The following GBF1 variants were observed in gnomAD, a reference collection of about 807,000 sequenced individuals.
The protein encoded by GBF1 is golgi brefeldin A resistant guanine nucleotide exchange factor 1, also known as Golgi-specific brefeldin A-resistance guanine nucleotide exchange factor 1.
Under a neutral mutation model 210.5 loss-of-function variants are expected in GBF1, and 114 were observed. The ratio of observed to expected loss-of-function variants is 0.54; its 90% CI spans 0.47 to 0.63. GBF1 has a LOEUF of 0.63. Ranked by LOEUF, GBF1 falls within the 30% of genes least tolerant of loss-of-function variation. The probability of loss-of-function intolerance (pLI) is 0.00; values close to 1 mark genes in which losing one functional copy is unlikely to be tolerated. For missense variants in GBF1, 1,851 were observed against 2,357.7 expected (o/e 0.79, Z 4.45); for synonymous variants, 850 against 889.2 (o/e 0.96, Z 0.78).
chr10:102,255,232 C>T (rs1406088646), intron 1 of GBF1, among the ~76,000 whole-genome samples: 1 of 151,878 alleles, frequency 6.6e-6, no homozygotes, highest in Non-Finnish European at 1.5e-5. Context: ...GTTGAGGTGG[C>T]GTTTCACCAT....
At position 102,382,327 on chromosome 10, in the gene GBF1, G is replaced by A. The variant is rs2060908700; in HGVS notation, c.5574G>A (p.Glu1858=). 6.2e-7 allele frequency: 1 copy of A among 1,608,206 alleles called. No individual in the cohort carries two copies. Among genetic ancestry groups the A allele is most frequent in the South Asian group, 1.1e-5 (1 of 90,276 alleles). ...PRPTDPIPTS[E]VN ...CCACAGATCCCATACCCACCTCTGA[G>A]GTCAACTAAGGCAGGTCACTCAGAG... The change falls in exon 40 of 40, where the codon GAG becomes GAA. Residue 1858 remains glutamate (E), a synonymous_variant. Transcript: ENST00000369983.
intron 3 of GBF1, among the ~76,000 whole-genome samples, chr10:102,337,961 T>C (rs185671452): frequency 3.2e-3 from 491 of 152,240 alleles, no homozygotes; most frequent in Non-Finnish European, 5.3e-3. Flanking sequence ...TGTTAGAGCT[T>C]CTCTTATGCT....
At chr10:102,343,966 G>C in intron 3 of GBF1, 85 bp from the exon 4 acceptor site, 1 of 1,074,670 alleles carries the variant, frequency 9.3e-7, no homozygotes, top group Non-Finnish European at 1.4e-6. Flanking sequence ...AAGACCTCTA[G>C]CCTCATGGCA....
chr10:102,284,042 A>C (rs1426546896), intron 3 of GBF1, among the ~76,000 whole-genome samples: 1 of 152,128 alleles, frequency 6.6e-6, no homozygotes, highest in Admixed American at 6.5e-5. Flanking sequence ...GCAACTAGGT[A>C]AGTTTCACTT....
In GBF1 at chr10:102,382,048, C is replaced by G; in HGVS notation, c.5303-8C>G. On this transcript the variant is annotated splice_polypyrimidine_tract_variant and splice_region_variant and intron_variant, in intron 39 of 39. Coordinates refer to ENST00000369983, the MANE Select transcript of GBF1 (RefSeq NM_001377137.1). Reference sequence around the variant, plus strand: ...AATCTGACTGTAACCACCTTGCTTTCCCTACAGACTTTGAGAAGCCCGAGA... The same window carrying G: ...AATCTGACTGTAACCACCTTGCTTTGCCTACAGACTTTGAGAAGCCCGAGA... 1 of 1,529,816 alleles carries G rather than the reference C, an allele frequency of 6.5e-7. No homozygotes were observed. Among genetic ancestry groups the G allele is most frequent in the Non-Finnish European group, 8.8e-7 (1 of 1,140,650 alleles). 94.8% of individuals were successfully genotyped at this position (1,529,816 alleles called of 1,614,324 possible).
At chr10:102,362,040 CT>C in intron 14 of GBF1, 128 bp downstream of exon 14, 1 of 277,520 alleles carries the variant, frequency 3.6e-6, no homozygotes. Context: ...AAGGCATTTT[CT>C]TTTCTTTTCT....
At chr10:102,299,741 G>C (rs142987317) in intron 3 of GBF1, among the ~76,000 whole-genome samples, 1,859 of 152,160 alleles carry the variant, frequency 0.012, 33 homozygotes, top group African/African-American at 0.043. Flanking sequence ...CCAAGATCAC[G>C]CTGTTGCACT....
intron 18 of GBF1, 21 bp downstream of exon 18, chr10:102,365,620 G>A (rs773465899): frequency 6.2e-7 from 1 of 1,601,612 alleles, no homozygotes; most frequent in Non-Finnish European, 8.6e-7. Context: ...TGTAAGAAAT[G>A]TGGGATATAG....
Position 102,369,353 on chromosome 10 carries a change from TC to T in GBF1, c.3118del (p.Arg1040GlufsTer9). 6.2e-7 allele frequency: 1 copy of T among 1,613,860 alleles called. No individual in the cohort carries two copies. The highest frequency in any genetic ancestry group is 8.5e-7 in the Non-Finnish European group (1 of 1,179,756). The stretch of plus-strand genomic sequence containing the variant: ...ATCATGGAGGCCATGCTGCAGCTCT[TC>T]CGAGCCCAACTACTGCCCAAGGCTA... The part of the protein sequence containing the change: ...KNIMEAMLQL[F>X]RAQLLPKAMI... On this transcript the variant is annotated frameshift_variant, in exon 24 of 40. Coordinates refer to ENST00000369983, the MANE Select transcript of GBF1 (RefSeq NM_001377137.1). LOFTEE classifies it high-confidence loss of function.
At chr10:102,249,059 T>G (rs2071183285) in intron 1 of GBF1, among the ~76,000 whole-genome samples, 1 of 152,220 alleles carries the variant, frequency 6.6e-6, no homozygotes, top group Admixed American at 6.5e-5. Flanking sequence ...ATCATTGTGT[T>G]TTCTAATTGT....
intron 12 of GBF1, among the ~76,000 whole-genome samples, 182 bp downstream of exon 12, chr10:102,360,577 T>C (rs1253106097): frequency 6.6e-6 from 1 of 152,150 alleles, no homozygotes; most frequent in East Asian, 1.9e-4. Context: ...GAGAGAAATA[T>C]AGGAATGGCT....
At chr10:102,344,757 G>A (rs2058425023) in intron 4 of GBF1, among the ~76,000 whole-genome samples, 1 of 152,048 alleles carries the variant, frequency 6.6e-6, no homozygotes, top group Non-Finnish European at 1.5e-5. Context: ...TGGGATTACA[G>A]GTGTGAGCCA....
At chr10:102,282,929 T>C (rs950685564) in intron 3 of GBF1, among the ~76,000 whole-genome samples, 43 of 152,176 alleles carry the variant, frequency 2.8e-4, no homozygotes, top group African/African-American at 9.9e-4. Flanking sequence ...TAACTGACTC[T>C]GAATGCTCTG....
At chr10:102,348,049 G>A (rs1332764148) in intron 4 of GBF1, among the ~76,000 whole-genome samples, 1 of 152,128 alleles carries the variant, frequency 6.6e-6, no homozygotes, top group Non-Finnish European at 1.5e-5. Flanking sequence ...CAATTCTCAT[G>A]CCTCAGCCTC....
chr10:102,379,342 C>T lies in GBF1; in HGVS notation c.4553C>T (p.Ala1518Val), dbSNP rs756309824. Residue 1518 changes from alanine (A) to valine (V), a missense_variant, in exon 34 of 40, where the codon GCG (alanine) becomes GTG (valine). Physicochemically the swap from Ala to Val is moderately conservative, Grantham distance 64. Coordinates refer to ENST00000369983, the MANE Select transcript of GBF1 (RefSeq NM_001377137.1). ...GCAGCCTCTATCTACAGCTCATGGG[C>T]GGAGGAGCAACGCCACCTGGAGACA... ...TRAASIYSSW[A>V]EEQRHLETGG... The T allele has an allele frequency of 3.3e-5, 54 of 1,613,764 alleles. No individual in the cohort carries two copies. The highest frequency in any genetic ancestry group is 4.1e-5 in the Non-Finnish European group (48 of 1,179,900).
chr10:102,326,055 T>C (rs1346496884), intron 3 of GBF1, among the ~76,000 whole-genome samples: 5 of 152,234 alleles, frequency 3.3e-5, no homozygotes, highest in African/African-American at 9.6e-5. Flanking sequence ...GAAAAGGTCA[T>C]GTCATGCAAG....
chr10:102,263,661 T>C (rs1030262593), intron 3 of GBF1, among the ~76,000 whole-genome samples: 2 of 152,214 alleles, frequency 1.3e-5, no homozygotes, highest in African/African-American at 4.8e-5. Context: ...TTTTCTCCAG[T>C]AAGGTTGGCT....
intron 3 of GBF1, among the ~76,000 whole-genome samples, chr10:102,311,781 A>G (rs2078460838): frequency 6.6e-6 from 1 of 152,180 alleles, no homozygotes; most frequent in South Asian, 2.1e-4. Flanking sequence ...CCCAAAGTTG[A>G]ACTACTCCAG....
chr10:102,283,639 C>T (rs1210127243), intron 3 of GBF1, among the ~76,000 whole-genome samples: 1 of 152,062 alleles, frequency 6.6e-6, no homozygotes, highest in Admixed American at 6.5e-5. Flanking sequence ...GCTTTTGCCT[C>T]AACAATTTGA....
Sources: allele counts gnomAD v4.1 joint callset (sites outside exome capture counted in the v4.1 genomes callset), GRCh38; gene constraint gnomAD v4.1.1; transcripts MANE v1.5; gene names NCBI Gene and HGNC (gene_info 2026-07-23, HGNC 2026-07-21).